Variants in LNX1 observed in about 807,000 individuals in gnomAD.
LNX1 encodes the protein ligand of numb-protein X 1.
LNX1 carries 54 observed loss-of-function variants against 68.4 expected under a neutral mutation model. The ratio of observed to expected loss-of-function variants is 0.79; its 90% CI spans 0.63 to 0.99. The LOEUF is 0.99. Among genes scored for constraint, LNX1 ranks in the 50% least tolerant of loss-of-function variants. The probability of loss-of-function intolerance (pLI) is 0.00; values close to 1 mark genes in which losing one functional copy is unlikely to be tolerated. For missense variants in LNX1, 906 were observed against 926.4 expected (o/e 0.98, Z 0.29); for synonymous variants, 336 against 350.0 (o/e 0.96, Z 0.45).
intron 4 of LNX1, among the ~76,000 whole-genome samples, chr4:53,504,253 TC>T (rs1725716508): frequency 1.3e-5 from 2 of 152,274 alleles, no homozygotes; most frequent in African/African-American, 4.8e-5. Flanking sequence ...ACAATCAGCA[TC>T]TGCTGCTTCG....
chr4:53,574,682 T>G (rs919213136), intron 1 of LNX1, among the ~76,000 whole-genome samples: 1 of 152,224 alleles, frequency 6.6e-6, no homozygotes, highest in African/African-American at 2.4e-5. Context: ...ACACTTTGCC[T>G]GGGTTCAAAT....
At chr4:53,577,292 C>T (rs550415550) in intron 1 of LNX1, among the ~76,000 whole-genome samples, 2 of 152,312 alleles carry the variant, frequency 1.3e-5, no homozygotes, top group African/African-American at 4.8e-5. Flanking sequence ...TCTTTTAAAG[C>T]TTCTCTGTAG....
rs138671505 is a variant in LNX1 at position 53,462,013 on chromosome 4, CAATG to C, written c.1893-424_1893-421del. Reference sequence around the variant, plus strand: ...AGGGCAAAAATCCTTTGAATAATCTCAATGAAAGCAGTTTAAGCCTAATCCTAAT... The same window carrying C: ...AGGGCAAAAATCCTTTGAATAATCTCAAAGCAGTTTAAGCCTAATCCTAAT... On this transcript the variant is annotated intron_variant, in intron 9 of 10. Coordinates refer to ENST00000263925, the MANE Select transcript of LNX1 (RefSeq NM_001126328.3). Among the ~76,000 whole-genome samples, 1,437 of 152,122 alleles carry C rather than the reference CAATG, an allele frequency of 9.4e-3. 21 individuals are homozygous for C. The highest frequency in any genetic ancestry group is 0.033 in the African/African-American group (1,372 of 41,534).
intron 2 of LNX1, among the ~76,000 whole-genome samples, chr4:53,509,493 G>A (rs1465287416): frequency 6.6e-6 from 1 of 152,126 alleles, no homozygotes; most frequent in African/African-American, 2.4e-5. Flanking sequence ...CTAAATCCTT[G>A]CTCTGAAATT....
intron 9 of LNX1, among the ~76,000 whole-genome samples, chr4:53,462,985 ACATTCC>A (rs1207357181): frequency 6.6e-6 from 1 of 152,182 alleles, no homozygotes; most frequent in Non-Finnish European, 1.5e-5. Context: ...CCAAAGCATT[ACATTCC>A]CACCTGGGAG....
chr4:53,508,013 C>G lies in LNX1; in HGVS notation c.595G>C (p.Asp199His). 6.2e-7 allele frequency: 1 copy of G among 1,614,116 alleles called. No homozygotes were observed. Among genetic ancestry groups the G allele is most frequent in the Non-Finnish European group, 8.5e-7 (1 of 1,179,996 alleles). ...EDGQPAISPV[D>H]SGRSNRTRAR... ...CTAGTTCGGTTGCTCCGGCCAGAGT[C>G]CACTGGGCTGATTGCTGGCTGCCCG... is the stretch of plus-strand genomic sequence containing the variant. Residue 199 changes from aspartate (D) to histidine (H), a missense_variant, in exon 3 of 11, where the codon GAC (aspartate) becomes CAC (histidine). Transcript: ENST00000263925.
chr4:53,648,961 A>G (rs1229759656), intron 1 of LNX1, among the ~76,000 whole-genome samples: 4 of 152,190 alleles, frequency 2.6e-5, no homozygotes, highest in African/African-American at 4.8e-5. Context: ...TGAAAAACCA[A>G]TAGAAGAGAG....
intron 1 of LNX1, among the ~76,000 whole-genome samples, chr4:53,635,875 A>T (rs1734453586): frequency 6.6e-6 from 1 of 152,182 alleles, no homozygotes; most frequent in South Asian, 2.1e-4. Context: ...TCTTGTCCTA[A>T]CTGCAGCTGG....
At position 53,476,604 on chromosome 4, in the gene LNX1, A is replaced by G. The variant is rs1723577806; in HGVS notation, c.1892+149T>C. 2.1e-5 allele frequency: 15 copies of G among 728,878 alleles called. No homozygotes were observed. The South Asian group carries it at 2.4e-4, about 12-fold the overall frequency. The allele number at this position is 728,878 out of a possible 1,614,324, so 45.2% of individuals were successfully genotyped here. On this transcript the variant is annotated intron_variant, in intron 9 of 10. Transcript: ENST00000263925. ...GCATGCATTTTCAGTTACAAATGGG[A>G]AGAGAGAATTATTTCACAGTCCCAC... is the stretch of plus-strand genomic sequence containing the variant.
chr4:53,652,408 A>G (rs1735142142), exon 1 of LNX1: 1 of 152,340 alleles, frequency 6.6e-6, no homozygotes, highest in African/African-American at 2.4e-5. Context: ...GAGAGCAGCT[A>G]TGGGGAGCTT....
intron 6 of LNX1, among the ~76,000 whole-genome samples, chr4:53,494,058 G>T (rs1322671401): frequency 6.6e-6 from 1 of 152,100 alleles, no homozygotes; most frequent in Non-Finnish European, 1.5e-5. Flanking sequence ...TCCCTAATAG[G>T]CTGATATGGT....
At chr4:53,534,788 G>T (rs928090808) in intron 2 of LNX1, among the ~76,000 whole-genome samples, 2 of 152,246 alleles carry the variant, frequency 1.3e-5, no homozygotes, top group Admixed American at 6.5e-5. Context: ...AAGAGTCAAT[G>T]ATTTGTGCTC....
At chr4:53,543,190 G>A (rs1416063753) in intron 2 of LNX1, among the ~76,000 whole-genome samples, 1 of 152,220 alleles carries the variant, frequency 6.6e-6, no homozygotes, top group African/African-American at 2.4e-5. Flanking sequence ...AAGGTCAGTT[G>A]CCCTCATGGC....
intron 1 of LNX1, among the ~76,000 whole-genome samples, chr4:53,574,982 GT>G (rs34184442): frequency 0.47 from 52,296 of 111,078 alleles, 9,492 homozygotes; most frequent in African/African-American, 0.51. Context: ...TAGATATTTC[GT>G]TTTTTTTTTT....
At chr4:53,504,084 G>A (rs1725697089) in intron 4 of LNX1, among the ~76,000 whole-genome samples, 1 of 152,190 alleles carries the variant, frequency 6.6e-6, no homozygotes, top group Non-Finnish European at 1.5e-5. Flanking sequence ...GCAGTGAGCT[G>A]AGATCATGCC....
At chr4:53,575,579 A>G in intron 1 of LNX1, 1 of 1,272,174 alleles carries the variant, frequency 7.9e-7, no homozygotes, top group Non-Finnish European at 9.9e-7. Flanking sequence ...CTCTGGGTCA[A>G]CTTTCATGGT....
At chr4:53,476,208 G>C (rs961999474) in intron 9 of LNX1, among the ~76,000 whole-genome samples, 3 of 152,136 alleles carry the variant, frequency 2.0e-5, no homozygotes, top group Non-Finnish European at 4.4e-5. Context: ...TGAGGTAGGA[G>C]AATCATTTGA....
intron 1 of LNX1, among the ~76,000 whole-genome samples, chr4:53,616,977 C>T (rs1342959286): frequency 1.3e-5 from 2 of 152,122 alleles, no homozygotes; most frequent in East Asian, 3.8e-4. Context: ...ATCGTCAAAG[C>T]TTTTAAATAT....
At chr4:53,493,338 G>T (rs1055784993) in intron 6 of LNX1, among the ~76,000 whole-genome samples, 4 of 152,198 alleles carry the variant, frequency 2.6e-5, no homozygotes, top group African/African-American at 9.7e-5. Flanking sequence ...GCCCTCTAGG[G>T]CAGATGAGCA....
Sources: allele counts gnomAD v4.1 joint callset (sites outside exome capture counted in the v4.1 genomes callset), GRCh38; gene constraint gnomAD v4.1.1; transcripts MANE v1.5; gene names NCBI Gene and HGNC (gene_info 2026-07-23, HGNC 2026-07-21).